Variants in GPC5 observed in about 807,000 individuals in gnomAD.
GPC5 encodes glypican 5.
GPC5 carries 47 observed loss-of-function variants against 53.9 expected under a neutral mutation model. That is an observed-to-expected ratio of 0.87 (90% confidence interval 0.69 to 1.11). The LOEUF (loss-of-function observed/expected upper bound fraction) is 1.11, where lower values mean the gene tolerates loss of function less well. Ranked by LOEUF, GPC5 falls within the 50% of genes most tolerant of loss-of-function variation. The pLI, the probability that GPC5 is intolerant of heterozygous loss-of-function variation, is 0.00. For synonymous variants in GPC5, 286 were observed against 263.3 expected (o/e 1.09, Z -0.84); for missense variants, 748 against 713.1 (o/e 1.05, Z -0.56).
chr13:92,000,101 AAT>A (rs1175825290), intron 6 of GPC5, among the ~76,000 whole-genome samples: 1 of 152,140 alleles, frequency 6.6e-6, no homozygotes, highest in Non-Finnish European at 1.5e-5. Context: ...TTGTAAAGGT[AAT>A]AATAACAACA....
chr13:91,845,730 C>T (rs1342380429), intron 5 of GPC5, among the ~76,000 whole-genome samples: 1 of 152,050 alleles, frequency 6.6e-6, no homozygotes, highest in African/African-American at 2.4e-5. Flanking sequence ...ATAGTATTAC[C>T]GTGTCTGAGT....
chr13:92,543,398 T>A (rs1345189432), intron 7 of GPC5, among the ~76,000 whole-genome samples: 1 of 148,596 alleles, frequency 6.7e-6, no homozygotes, highest in Admixed American at 6.7e-5. Flanking sequence ...TGTGTCTCAA[T>A]GAGTTTCCTT....
intron 7 of GPC5, among the ~76,000 whole-genome samples, chr13:92,445,497 G>A (rs1457128131): frequency 8.3e-6 from 1 of 120,016 alleles, no homozygotes; most frequent in African/African-American, 3.3e-5. Context: ...CCCAGAGTGT[G>A]ATGTTCCCCT....
intron 7 of GPC5, among the ~76,000 whole-genome samples, chr13:92,642,023 C>T (rs1415916290): frequency 6.6e-6 from 1 of 152,008 alleles, no homozygotes; most frequent in East Asian, 1.9e-4. Flanking sequence ...TTAACCTGTA[C>T]ACATAGTCTC....
chr13:92,233,151 A>G (rs570572401), intron 7 of GPC5, among the ~76,000 whole-genome samples: 2 of 152,354 alleles, frequency 1.3e-5, no homozygotes, highest in African/African-American at 4.8e-5. Flanking sequence ...CTGTGGCACC[A>G]CGTCAGAAAG....
intron 6 of GPC5, among the ~76,000 whole-genome samples, chr13:91,943,909 A>G (rs1472297383): frequency 1.3e-5 from 2 of 151,938 alleles, no homozygotes; most frequent in Non-Finnish European, 2.9e-5. Context: ...CTGGTATTCT[A>G]TGGCAGAATA....
intron 7 of GPC5, among the ~76,000 whole-genome samples, chr13:92,617,828 A>C (rs992824676): frequency 2.6e-5 from 4 of 152,130 alleles, no homozygotes; most frequent in African/African-American, 7.2e-5. Context: ...ACAGGATTTT[A>C]TTCTTTTTTC....
At chr13:91,741,225 A>G (rs892964199) in intron 4 of GPC5, among the ~76,000 whole-genome samples, 11 of 152,140 alleles carry the variant, frequency 7.2e-5, no homozygotes, top group African/African-American at 2.7e-4. Context: ...GTTTTTTTCA[A>G]TTTTGTCTTC....
chr13:92,411,464 T>C (rs2209833), intron 7 of GPC5, among the ~76,000 whole-genome samples: 57,983 of 151,938 alleles, frequency 0.38, 11,369 homozygotes, highest in Non-Finnish European at 0.42. Flanking sequence ...ATGTAAATAT[T>C]ATTGTGGAGA....
At chr13:92,523,617 T>A (rs951412628) in intron 7 of GPC5, among the ~76,000 whole-genome samples, 7 of 152,214 alleles carry the variant, frequency 4.6e-5, no homozygotes, top group African/African-American at 1.4e-4. Context: ...TTTAGTGAAT[T>A]TTAAATTAAT....
chr13:91,732,974 C>G (rs2036734466), intron 4 of GPC5, among the ~76,000 whole-genome samples: 2 of 152,104 alleles, frequency 1.3e-5, no homozygotes, highest in South Asian at 4.2e-4. Context: ...CAGCTTTGTT[C>G]TTTTTACTTA....
At chr13:92,146,287 ATAAT>A (rs943849638) in intron 7 of GPC5, among the ~76,000 whole-genome samples, 2 of 152,098 alleles carry the variant, frequency 1.3e-5, no homozygotes, top group Admixed American at 6.6e-5. Context: ...TAAGTCAAAT[ATAAT>A]TAAAGATATT....
chr13:92,473,009 T>C (rs2139423884), intron 7 of GPC5, among the ~76,000 whole-genome samples: 1 of 152,178 alleles, frequency 6.6e-6, no homozygotes, highest in South Asian at 2.1e-4. Context: ...AAAACATTAA[T>C]AACCATTTGC....
intron 7 of GPC5, among the ~76,000 whole-genome samples, chr13:92,810,628 A>C (rs1566428334): frequency 6.6e-6 from 1 of 151,926 alleles, no homozygotes. Context: ...GTAACCTTGA[A>C]TCTACTTTGA....
chr13:92,103,562 G>T (rs1227958402), intron 6 of GPC5, among the ~76,000 whole-genome samples: 1 of 151,960 alleles, frequency 6.6e-6, no homozygotes, highest in Non-Finnish European at 1.5e-5. Context: ...CTGGTAAATA[G>T]CTATTTTTGG....
intron 6 of GPC5, among the ~76,000 whole-genome samples, chr13:92,101,064 A>G (rs2041462892): frequency 6.6e-6 from 1 of 152,204 alleles, no homozygotes; most frequent in South Asian, 2.1e-4. Flanking sequence ...ATTAATAATA[A>G]TAGTCTTATC....
chr13:91,817,001 G>A (rs757328581), intron 5 of GPC5, among the ~76,000 whole-genome samples: 3 of 152,194 alleles, frequency 2.0e-5, no homozygotes, highest in Non-Finnish European at 4.4e-5. Context: ...CATCTCTCCA[G>A]TATAAAAAAT....
chr13:92,839,026 G>T (rs1286747844), intron 7 of GPC5, among the ~76,000 whole-genome samples: 1 of 152,204 alleles, frequency 6.6e-6, no homozygotes, highest in East Asian at 1.9e-4. Flanking sequence ...AATATTTGCG[G>T]AGTAGGAGAC....
intron 2 of GPC5, among the ~76,000 whole-genome samples, chr13:91,618,585 T>A (rs1387680944): frequency 6.6e-6 from 1 of 151,948 alleles, no homozygotes; most frequent in Admixed American, 6.6e-5. Flanking sequence ...TACCCAGAGG[T>A]TTTTGAGAGT....
Sources: gnomAD v4.1 joint callset for allele counts (sites outside exome capture counted in the v4.1 genomes callset) on GRCh38, gnomAD v4.1.1 for gene constraint, MANE v1.5 for transcripts, NCBI Gene and HGNC (gene_info 2026-07-23, HGNC 2026-07-21) for gene names.